The following DLC1 variants were observed in gnomAD, a reference collection of about 807,000 sequenced individuals.
DLC1 encodes DLC1 Rho GTPase activating protein, also known as rho GTPase-activating protein 7.
DLC1 carries 54 observed loss-of-function variants against 140.3 expected under a neutral mutation model. The observed-to-expected ratio is 0.38, with a 90% CI of 0.31 to 0.48. DLC1 has a LOEUF of 0.48. Ranked by LOEUF, DLC1 falls within the 20% of genes least tolerant of loss-of-function variation. The pLI is 0.96. For synonymous variants in DLC1, 986 were observed against 728.1 expected, an observed-to-expected ratio of 1.35 and a Z score of -5.70; for missense variants, 2,536 against 1,907.0, an observed-to-expected ratio of 1.33 and a Z score of -6.14.
intron 5 of DLC1, among the ~76,000 whole-genome samples, chr8:13,182,812 T>C (rs920356449): frequency 2.0e-5 from 3 of 152,194 alleles, no homozygotes; most frequent in Admixed American, 6.5e-5. Context: ...GGGCTCTTTT[T>C]TGGTTCCATG....
intron 1 of DLC1, among the ~76,000 whole-genome samples, chr8:13,550,328 T>A (rs572474780): frequency 1.7e-4 from 26 of 152,234 alleles, no homozygotes; most frequent in African/African-American, 5.8e-4. Context: ...CCCCTTTGTC[T>A]TCTGTCATAA....
intron 1 of DLC1, among the ~76,000 whole-genome samples, chr8:13,540,787 C>G (rs1803456764): frequency 1.3e-5 from 2 of 152,156 alleles, no homozygotes; most frequent in African/African-American, 4.8e-5. Flanking sequence ...GGGATTTGTT[C>G]AAGTAGCTAT....
At chr8:13,435,561 G>A (rs971569442) in intron 2 of DLC1, among the ~76,000 whole-genome samples, 9 of 152,098 alleles carry the variant, frequency 5.9e-5, no homozygotes, top group Non-Finnish European at 1.0e-4. Context: ...TGATCCGCCC[G>A]CCTCGGCCTC....
rs556228509 is a variant in DLC1, at chr8:13,361,382, G to C, written c.1314+32171C>G. ...CAATCCTCCTGACTCAACCTCCTGA[G>C]CAGCTGGGACTACAGGGGCATGCTA... On this transcript the variant is annotated intron_variant, in intron 4 of 17. Coordinates refer to ENST00000276297, the MANE Select transcript of DLC1 (RefSeq NM_182643.3). Among the ~76,000 whole-genome samples, 9 of 151,970 alleles carry C rather than the reference G, an allele frequency of 5.9e-5. No individual in the cohort carries two copies. In the South Asian group the frequency reaches 1.9e-3, roughly 32 times the overall value.
Position 13,487,028 on chromosome 8 carries a change from G to A in DLC1, c.1023+12021C>T, listed in dbSNP as rs1169673330. On this transcript the variant is annotated intron_variant, in intron 2 of 17. Transcript: ENST00000276297. The stretch of plus-strand genomic sequence containing the variant: ...GATGGGGTGAGGCAAATTATCCACC[G>A]GCCCTCTGAGGGAAGTCTGCTGCGG... Among the ~76,000 whole-genome samples the A allele has an allele frequency of 6.6e-5, 10 of 152,126 alleles. 1 individual carries two copies. The highest frequency in any genetic ancestry group is 6.2e-4 in the South Asian group (3 of 4,816).
At chr8:13,504,195 C>T (rs1032335391) in intron 1 of DLC1, among the ~76,000 whole-genome samples, 1 of 149,154 alleles carries the variant, frequency 6.7e-6, no homozygotes, top group Non-Finnish European at 1.5e-5. Context: ...GGCGCCATCT[C>T]AGCTCACTGC....
chr8:13,311,972 T>G (rs181871348), intron 4 of DLC1, among the ~76,000 whole-genome samples: 1 of 152,214 alleles, frequency 6.6e-6, no homozygotes, highest in Non-Finnish European at 1.5e-5. Flanking sequence ...TACCTAAATG[T>G]TGAATTTCAG....
chr8:13,242,834 A>G (rs1384156416), intron 5 of DLC1, among the ~76,000 whole-genome samples: 9 of 151,852 alleles, frequency 5.9e-5, no homozygotes, highest in Non-Finnish European at 1.2e-4. Context: ...TTACTTTAAC[A>G]TTTTTAGCAA....
At chr8:13,421,632 A>T (rs1838325769) in intron 2 of DLC1, among the ~76,000 whole-genome samples, 1 of 152,140 alleles carries the variant, frequency 6.6e-6, no homozygotes, top group Non-Finnish European at 1.5e-5. Context: ...GTTAGTCAAA[A>T]CTCAAAAACG....
chr8:13,366,373 A>T (rs1835479511), intron 4 of DLC1, among the ~76,000 whole-genome samples: 1 of 152,176 alleles, frequency 6.6e-6, no homozygotes, highest in African/African-American at 2.4e-5. Context: ...TAAGATGGAC[A>T]CTGTCCATGG....
chr8:13,292,908 C>T (rs1272171753), intron 5 of DLC1, among the ~76,000 whole-genome samples: 1 of 152,002 alleles, frequency 6.6e-6, no homozygotes, highest in Admixed American at 6.6e-5. Context: ...GTGATCCAAA[C>T]AAATTATAAT....
intron 7 of DLC1, among the ~76,000 whole-genome samples, chr8:13,108,057 A>C (rs559639710): frequency 5.3e-5 from 8 of 152,106 alleles, no homozygotes; most frequent in Non-Finnish European, 1.2e-4. Flanking sequence ...AAAAATAAAA[A>C]AATAAAATAA....
chr8:13,413,343 A>C (rs912749149), intron 2 of DLC1, among the ~76,000 whole-genome samples: 6 of 140,122 alleles, frequency 4.3e-5, no homozygotes, highest in Admixed American at 3.3e-4. Flanking sequence ...TTCTTCTTCC[A>C]ATGTGGCCCG....
intron 5 of DLC1, among the ~76,000 whole-genome samples, chr8:13,198,805 C>A (rs1827213508): frequency 6.6e-6 from 1 of 151,868 alleles, no homozygotes; most frequent in African/African-American, 2.4e-5. Flanking sequence ...CAACCCCTAC[C>A]TCCTGGGTTC....
chr8:13,451,471 C>T (rs888506598), intron 2 of DLC1, among the ~76,000 whole-genome samples: 1 of 152,134 alleles, frequency 6.6e-6, no homozygotes, highest in South Asian at 2.1e-4. Flanking sequence ...CTTATTCATT[C>T]TATTTTTTAT....
chr8:13,214,442 C>G (rs1271989344), intron 5 of DLC1: 1 of 559,662 alleles, frequency 1.8e-6, no homozygotes, highest in Non-Finnish European at 3.2e-6. Context: ...TTTGCACTGT[C>G]AAACATGACC....
chr8:13,249,331 G>C (rs972667255), intron 5 of DLC1, among the ~76,000 whole-genome samples: 2 of 152,156 alleles, frequency 1.3e-5, no homozygotes, highest in Non-Finnish European at 2.9e-5. Context: ...ACCCGCCTCA[G>C]CCTCTCAAAG....
intron 5 of DLC1, among the ~76,000 whole-genome samples, chr8:13,301,712 A>G (rs530398669): frequency 6.6e-6 from 1 of 152,330 alleles, no homozygotes; most frequent in East Asian, 1.9e-4. Flanking sequence ...GTTAGGAACC[A>G]GGCTGCACAG....
intron 5 of DLC1, among the ~76,000 whole-genome samples, chr8:13,185,283 GTT>G (rs113333274): frequency 2.3e-5 from 3 of 130,840 alleles, no homozygotes; most frequent in Non-Finnish European, 3.2e-5. Context: ...TGTCTTTTCT[GTT>G]TTTTTTGTTT....
Sources: gnomAD v4.1 joint callset for allele counts (sites outside exome capture counted in the v4.1 genomes callset) on GRCh38, gnomAD v4.1.1 for gene constraint, MANE v1.5 for transcripts, NCBI Gene and HGNC (gene_info 2026-07-23, HGNC 2026-07-21) for gene names.